The following LRRTM4 variants were observed in gnomAD, a reference collection of about 807,000 sequenced individuals.
LRRTM4 encodes the protein leucine rich repeat transmembrane neuronal 4.
In LRRTM4, 25 loss-of-function variants were observed where a neutral mutation model predicts 47.6. The observed-to-expected ratio is 0.53, with a 90% confidence interval of 0.38 to 0.73. The LOEUF is 0.73. Ranked by LOEUF, LRRTM4 falls within the 30% of genes least tolerant of loss-of-function variation. The pLI is 0.00. For missense variants in LRRTM4, 638 were observed against 713.4 expected (o/e 0.89, Z 1.20); for synonymous variants, 311 against 269.5 (o/e 1.15, Z -1.51).
intron 3 of LRRTM4, among the ~76,000 whole-genome samples, chr2:77,020,697 C>G (rs554519352): frequency 6.6e-6 from 1 of 152,006 alleles, no homozygotes; most frequent in Non-Finnish European, 1.5e-5. Context: ...AATGAAGCAG[C>G]CTGAGAAGGT....
intron 3 of LRRTM4, among the ~76,000 whole-genome samples, chr2:77,391,131 TA>T (rs1230047976): frequency 6.6e-6 from 1 of 151,972 alleles, no homozygotes; most frequent in Non-Finnish European, 1.5e-5. Context: ...TGAAACCAAG[TA>T]AAAAATAATT....
At position 76,797,793 on chromosome 2, in the gene LRRTM4, A is replaced by C. The variant is rs199592509; in HGVS notation, c.1552-48877T>G. Reference sequence around the variant, plus strand: ...AAGATCTACCAAGCCAATGGAAAACAAAAAAAGGCAGGGGTTGCAATCCTA... The same window carrying C: ...AAGATCTACCAAGCCAATGGAAAACCAAAAAAGGCAGGGGTTGCAATCCTA... On this transcript the variant is annotated intron_variant, in intron 3 of 3. Transcript: ENST00000409884. Among the ~76,000 whole-genome samples the C allele has an allele frequency of 1.1e-4, 15 of 142,826 alleles. No homozygotes were observed. The East Asian group carries it at 2.7e-3, about 26-fold the overall frequency. The allele number at this position is 142,826 out of a possible 152,430, so 93.7% of individuals were successfully genotyped here. A position where few individuals can be genotyped will look rare whatever the true frequency, so the allele number is the denominator to read the frequency against.
intron 3 of LRRTM4, among the ~76,000 whole-genome samples, chr2:77,220,333 G>C (rs1050691450): frequency 6.6e-6 from 1 of 152,182 alleles, no homozygotes; most frequent in African/African-American, 2.4e-5. Context: ...CTCCTCACCA[G>C]CAACGGAACA....
intron 3 of LRRTM4, among the ~76,000 whole-genome samples, chr2:77,318,986 C>T (rs1309907046): frequency 1.3e-5 from 2 of 151,820 alleles, no homozygotes; most frequent in Non-Finnish European, 2.9e-5. Flanking sequence ...GATAACTGGA[C>T]ACAGCTATTT....
intron 3 of LRRTM4, among the ~76,000 whole-genome samples, chr2:77,050,570 C>T (rs1679397932): frequency 6.6e-6 from 1 of 152,100 alleles, no homozygotes; most frequent in African/African-American, 2.4e-5. Context: ...GAATCTGAAC[C>T]TGTAACAGTC....
At chr2:77,222,991 T>G (rs2103952592) in intron 3 of LRRTM4, among the ~76,000 whole-genome samples, 1 of 152,000 alleles carries the variant, frequency 6.6e-6, no homozygotes, top group South Asian at 2.1e-4. Flanking sequence ...CAGCAACATA[T>G]CAAAAAGCTT....
At chr2:77,385,671 CTG>C (rs1002175538) in intron 3 of LRRTM4, among the ~76,000 whole-genome samples, 6 of 149,796 alleles carry the variant, frequency 4.0e-5, no homozygotes, top group Admixed American at 2.0e-4. Context: ...AATAAGTAGA[CTG>C]TATTTTTTGT....
chr2:77,312,631 C>G (rs1043781377), intron 3 of LRRTM4, among the ~76,000 whole-genome samples: 1 of 152,066 alleles, frequency 6.6e-6, no homozygotes, highest in South Asian at 2.1e-4. Flanking sequence ...ACACCACACG[C>G]GTGCACACAC....
intron 3 of LRRTM4, among the ~76,000 whole-genome samples, chr2:77,410,595 C>T (rs572968703): frequency 3.9e-5 from 6 of 152,242 alleles, no homozygotes; most frequent in Admixed American, 2.0e-4. Flanking sequence ...AGGGGAGAGG[C>T]ATACTGATTG....
chr2:77,219,293 T>A (rs1674550423), intron 3 of LRRTM4, among the ~76,000 whole-genome samples: 1 of 152,140 alleles, frequency 6.6e-6, no homozygotes, highest in Admixed American at 6.6e-5. Context: ...CTGGTTATGT[T>A]TGCATCTACT....
chr2:77,378,158 C>G (rs1474189903), intron 3 of LRRTM4, among the ~76,000 whole-genome samples: 1 of 151,584 alleles, frequency 6.6e-6, no homozygotes, highest in Non-Finnish European at 1.5e-5. Flanking sequence ...AAATTTCAAT[C>G]TTTTTTTTCT....
intron 3 of LRRTM4, chr2:77,009,555 T>G (rs1232890469): frequency 6.6e-6 from 1 of 152,248 alleles, no homozygotes; most frequent in African/African-American, 2.4e-5. Context: ...TCCTTCACAC[T>G]TGCTGATAAG....
intron 3 of LRRTM4, among the ~76,000 whole-genome samples, chr2:77,158,632 G>T (rs1672624352): frequency 6.6e-6 from 1 of 151,738 alleles, no homozygotes; most frequent in Non-Finnish European, 1.5e-5. Flanking sequence ...GATAAATTTT[G>T]CTATTAAGAC....
intron 3 of LRRTM4, among the ~76,000 whole-genome samples, chr2:77,184,661 G>A (rs997666623): frequency 6.6e-6 from 1 of 151,864 alleles, no homozygotes; most frequent in Admixed American, 6.6e-5. Context: ...TACTCTATTC[G>A]CCTCTGATCC....
intron 3 of LRRTM4, among the ~76,000 whole-genome samples, chr2:76,797,270 G>A (rs1009664619): frequency 2.0e-5 from 3 of 152,170 alleles, no homozygotes; most frequent in South Asian, 2.1e-4. Flanking sequence ...GGATCTCTCA[G>A]CAGAAACCCT....
At chr2:77,205,745 A>G (rs1331927198) in intron 3 of LRRTM4, among the ~76,000 whole-genome samples, 2 of 152,204 alleles carry the variant, frequency 1.3e-5, no homozygotes. Context: ...CATGACTATC[A>G]TGAGGAGAAT....
chr2:77,447,198 C>G (rs916402583), intron 3 of LRRTM4, among the ~76,000 whole-genome samples: 4 of 148,202 alleles, frequency 2.7e-5, no homozygotes, highest in Admixed American at 1.4e-4. Context: ...ATAGTCAGTT[C>G]TACTATAACA....
At chr2:77,035,415 G>A (rs998147263) in intron 3 of LRRTM4, among the ~76,000 whole-genome samples, 5 of 151,722 alleles carry the variant, frequency 3.3e-5, no homozygotes, top group African/African-American at 4.8e-5. Context: ...CCATCACTAC[G>A]AAGGTCCGTC....
At chr2:76,992,003 T>C (rs923015533) in intron 3 of LRRTM4, among the ~76,000 whole-genome samples, 3 of 151,850 alleles carry the variant, frequency 2.0e-5, no homozygotes, top group Admixed American at 6.6e-5. Context: ...TTAAATGTGG[T>C]TCACCACATA....
Sources: gnomAD v4.1 joint callset for allele counts (sites outside exome capture counted in the v4.1 genomes callset) on GRCh38, gnomAD v4.1.1 for gene constraint, MANE v1.5 for transcripts, NCBI Gene and HGNC (gene_info 2026-07-23, HGNC 2026-07-21) for gene names.